The following SPTB variants were observed in gnomAD, a reference collection of about 807,000 sequenced individuals.
SPTB encodes spectrin beta chain, erythrocytic.
Under a neutral mutation model 256.2 loss-of-function variants are expected in SPTB, and 45 were observed. The ratio of observed to expected loss-of-function variants is 0.18; its 90% CI spans 0.14 to 0.23. The LOEUF is 0.23. Ranked by LOEUF, SPTB falls within the 10% of genes least tolerant of loss-of-function variation. The pLI is 1.00. For synonymous variants in SPTB, 1,231 were observed against 1,243.1 expected (o/e 0.99, Z 0.21); for missense variants, 2,715 against 3,040.4 (o/e 0.89, Z 2.52).
At position 64,852,667 on chromosome 14, in the gene SPTB, G is replaced by A. The variant is rs963476203; in HGVS notation, c.-52+27125C>T. On this transcript the variant is annotated intron_variant, in intron 1 of 35. Coordinates refer to ENST00000644917, the MANE Select transcript of SPTB (RefSeq NM_001355436.2). The surrounding 1 kb of genome is among the most constrained non-coding windows in gnomAD (Gnocchi z 4.2). ...AGTGGAAATAGCAAGTGAGAGAAAG[G>A]GAAGAGCCAAGAATGATTTCTCAAG... Among the ~76,000 whole-genome samples, 4 of 152,136 alleles carry A rather than the reference G, an allele frequency of 2.6e-5. No individual in the cohort carries two copies. The highest frequency in any genetic ancestry group is 2.6e-4 in the Admixed American group (4 of 15,276).
rs1190538174 is a variant in SPTB at position 64,873,167 on chromosome 14, CTTTA to C, written c.-52+6621_-52+6624del. Among the ~76,000 whole-genome samples the C allele has an allele frequency of 6.6e-6, 1 of 152,074 alleles. No individual in the cohort carries two copies. The highest frequency in any genetic ancestry group is 2.4e-5 in the African/African-American group (1 of 41,394). ...ACCACCCTTCTTTCCCTTCATATTG[CTTTA>C]TTTTTCTTTTTAGCACTTGAAATTA... On this transcript the variant is annotated intron_variant, in intron 1 of 35. Coordinates refer to ENST00000644917, the MANE Select transcript of SPTB (RefSeq NM_001355436.2). The surrounding 1 kb of genome is among the most constrained non-coding windows in gnomAD (Gnocchi z 4.3).
Position 64,749,665 on chromosome 14 carries a change from C to T in SPTB, c.6808G>A (p.Gly2270Ser). 2 of 1,613,834 alleles carry T rather than the reference C, an allele frequency of 1.2e-6. No homozygotes were observed. The highest frequency in any genetic ancestry group is 1.7e-6 in the Non-Finnish European group (2 of 1,179,958). ...LSNGSEWLFH[G>S]KDEEEMLSWL... ...CTGCCCGCGCTTACCTCATCCTTGC[C>T]ATGGAAGAGCCACTCGCTGCCATTA... The change falls in exon 35 of 36, where the codon GGC becomes AGC. Residue 2270 changes from glycine to serine, a missense_variant. Coordinates refer to ENST00000644917, the MANE Select transcript of SPTB (RefSeq NM_001355436.2). The surrounding 1 kb of genome is among the most constrained non-coding windows in gnomAD (Gnocchi z 4.7).
intron 32 of SPTB, chr14:64,763,816 G>T (rs1181892677): frequency 1.9e-6 from 1 of 519,038 alleles, no homozygotes; most frequent in East Asian, 5.5e-5. Context: ...GGCAAGAGGT[G>T]AGGGAAGGCG....
In SPTB at chr14:64,793,956, C is replaced by T. The variant is rs923785196; in HGVS notation, c.1796-89G>A. The T allele has an allele frequency of 7.1e-6, 10 of 1,407,470 alleles. No homozygotes were observed. Among genetic ancestry groups the T allele is most frequent in the African/African-American group, 1.4e-5 (1 of 70,256 alleles). The allele number at this position is 1,407,470 out of a possible 1,614,324, so 87.2% of individuals were successfully genotyped here. On this transcript the variant is annotated intron_variant, in intron 13 of 35. Coordinates refer to ENST00000644917, the MANE Select transcript of SPTB (RefSeq NM_001355436.2). The surrounding 1 kb of genome is among the most constrained non-coding windows in gnomAD (Gnocchi z 7.0). Reference sequence around the variant, plus strand: ...GATAAGCTGCTAGGTTGGAACTACACAACCCTGAAGCTGCCATGTCACTGG... The same window carrying T: ...GATAAGCTGCTAGGTTGGAACTACATAACCCTGAAGCTGCCATGTCACTGG...
chr14:64,768,712 C>T (rs1023167582), intron 29 of SPTB, among the ~76,000 whole-genome samples: 5 of 152,058 alleles, frequency 3.3e-5, no homozygotes, highest in Admixed American at 6.5e-5. Flanking sequence ...CAGCCCCTCC[C>T]CCGGGCCCCC....
At chr14:64,878,829 G>A (rs1375615659) in intron 1 of SPTB, among the ~76,000 whole-genome samples, 1 of 145,648 alleles carries the variant, frequency 6.9e-6, no homozygotes, top group Admixed American at 7.0e-5. Context: ...ACAAAAAACA[G>A]TGGCTTCTTT....
At position 64,785,942 on chromosome 14, in the gene SPTB, G is replaced by A. The variant is rs752671489; in HGVS notation, c.3571C>T (p.Leu1191=). The A allele has an allele frequency of 6.2e-7, 1 of 1,614,098 alleles. No individual in the cohort carries two copies. Among genetic ancestry groups the A allele is most frequent in the South Asian group, 1.1e-5 (1 of 91,068 alleles). The change falls in exon 17 of 36, where the codon CTG becomes TTG. Residue 1191 remains leucine (L), a synonymous_variant. Coordinates refer to ENST00000644917, the MANE Select transcript of SPTB (RefSeq NM_001355436.2). The surrounding 1 kb of genome is among the most constrained non-coding windows in gnomAD (Gnocchi z 4.4). ...EAILSNQEYT[L]AHLEPPDSLE... is the part of the protein sequence containing the mutation. ...GAGTCTGGGGGCTCCAAGTGAGCCA[G>A]AGTGTATTCCTGTTGGAACAAGTTT...
In SPTB at chr14:64,806,028, C is replaced by T. The variant is rs117611143; in HGVS notation, c.149-938G>A. ...GTTCAGGTGGGGTACTTCTTACTGCCTCTGTACAAATAATGCTGGTGGTCT... is the reference window on the plus strand; with the variant it reads ...GTTCAGGTGGGGTACTTCTTACTGCTTCTGTACAAATAATGCTGGTGGTCT... On this transcript the variant is annotated intron_variant, in intron 2 of 35. Transcript: ENST00000644917. The surrounding 1 kb of genome is among the most constrained non-coding windows in gnomAD (Gnocchi z 4.1). Among the ~76,000 whole-genome samples the T allele has an allele frequency of 3.3e-5, 5 of 152,086 alleles. No individual in the cohort carries two copies. The East Asian group carries it at 9.7e-4, about 29-fold the overall frequency.
At chr14:64,818,287 C>T (rs1325914515) in intron 2 of SPTB, among the ~76,000 whole-genome samples, 1 of 152,216 alleles carries the variant, frequency 6.6e-6, no homozygotes, top group Non-Finnish European at 1.5e-5. Flanking sequence ...CAGGAGGCTC[C>T]GGACTGCTCC....
intron 2 of SPTB, among the ~76,000 whole-genome samples, chr14:64,812,555 TCC>T (rs1753221519): frequency 1.1e-4 from 16 of 151,856 alleles, no homozygotes; most frequent in Admixed American, 9.2e-4. Flanking sequence ...CATAAATGCC[TCC>T]CCACAGGGTC....
Position 64,866,232 on chromosome 14 carries a change from T to C in SPTB, c.-52+13560A>G, listed in dbSNP as rs1458142117. Among the ~76,000 whole-genome samples the C allele has an allele frequency of 6.6e-6, 1 of 152,300 alleles. No individual in the cohort carries two copies. Among genetic ancestry groups the C allele is most frequent in the Non-Finnish European group, 1.5e-5 (1 of 68,014 alleles). On this transcript the variant is annotated intron_variant, in intron 1 of 35. Coordinates refer to ENST00000644917, the MANE Select transcript of SPTB (RefSeq NM_001355436.2). The surrounding 1 kb of genome is among the most constrained non-coding windows in gnomAD (Gnocchi z 4.6). ...AGCATTCATGACATTCCAGAGCTTC[T>C]AGAAGCTGCTAGTTGTTTATCCTAC...
rs1375289722 is a variant in SPTB at position 64,768,949 on chromosome 14, A to G, written c.6022+85T>C. 7.1e-6 allele frequency: 8 copies of G among 1,121,834 alleles called. No homozygotes were observed. In the East Asian group the frequency reaches 1.6e-4, roughly 23 times the overall value. The allele number at this position is 1,121,834 out of a possible 1,614,324, so 69.5% of individuals were successfully genotyped here. On this transcript the variant is annotated intron_variant, in intron 29 of 35. Transcript: ENST00000644917. ...GGCTCCTCTCTAGGCAGTAGTGAAA[A>G]TCCACCCATTGTGGCACCTCCCCAT...
chr14:64,822,599 A>G (rs1388948374), intron 2 of SPTB, among the ~76,000 whole-genome samples: 1 of 152,008 alleles, frequency 6.6e-6, no homozygotes, highest in Non-Finnish European at 1.5e-5. Context: ...ATCGGGGTTA[A>G]CCAGGAGGCC....
rs1194931334 is a variant in SPTB at position 64,841,213 on chromosome 14, G to T, written c.-51-18068C>A. Among the ~76,000 whole-genome samples the T allele has an allele frequency of 2.6e-5, 4 of 152,098 alleles. No homozygotes were observed. Among genetic ancestry groups the T allele is most frequent in the African/African-American group, 4.8e-5 (2 of 41,392 alleles). ...GGGTCAGGAAACTGAGGCTTAGAGG[G>T]TTCAGTGACTTGCCCCAGTACATCA... On this transcript the variant is annotated intron_variant, in intron 1 of 35. Coordinates refer to ENST00000644917, the MANE Select transcript of SPTB (RefSeq NM_001355436.2). The surrounding 1 kb of genome is among the most constrained non-coding windows in gnomAD (Gnocchi z 4.6).
intron 19 of SPTB, among the ~76,000 whole-genome samples, chr14:64,783,350 T>C (rs1251988075): frequency 6.6e-6 from 1 of 152,116 alleles, no homozygotes. Flanking sequence ...TACAGGCGTA[T>C]GCCACCATGC....
At position 64,772,839 on chromosome 14, in the gene SPTB, G is replaced by T; in HGVS notation, c.5294C>A (p.Ala1765Glu). Reference sequence around the variant, plus strand: ...GTCCTTCCACTCGGCGATGGTGGCCGCCTCGCTGTGGCCCGCGTCGATGAG... The same window carrying T: ...GTCCTTCCACTCGGCGATGGTGGCCTCCTCGCTGTGGCCCGCGTCGATGAG... ...ERLIDAGHSEAATIAEWKDGL... is the reference protein window; with the variant it reads ...ERLIDAGHSEEATIAEWKDGL... Residue 1765 changes from alanine (A) to glutamate (E), a missense_variant, in exon 26 of 36, where the codon GCG becomes GAG. Ala to Glu is a moderately radical substitution (Grantham distance 107). This residue lies in a region of SPTB where 2,239 missense variants were observed against 2,384.4 expected (regional missense o/e 0.94). Coordinates refer to ENST00000644917, the MANE Select transcript of SPTB (RefSeq NM_001355436.2). The surrounding 1 kb of genome is among the most constrained non-coding windows in gnomAD (Gnocchi z 5.4). The T allele has an allele frequency of 1.2e-6, 2 of 1,613,572 alleles. No individual in the cohort carries two copies. The highest frequency in any genetic ancestry group is 1.7e-6 in the Non-Finnish European group (2 of 1,179,856).
In SPTB at chr14:64,803,766, C is replaced by T. The variant is rs1178093783; in HGVS notation, c.315G>A (p.Lys105=). Residue 105 remains lysine, a synonymous_variant, in exon 4 of 36, where the codon AAG becomes AAA. Coordinates refer to ENST00000644917, the MANE Select transcript of SPTB (RefSeq NM_001355436.2). Reference sequence around the variant, plus strand: ...CCAGGCAGTGGATGCGCATCTTCCCCTTGGTGGGCTTTGGCTGGGGGACAG... The same window carrying T: ...CCAGGCAGTGGATGCGCATCTTCCCTTTGGTGGGCTTTGGCTGGGGGACAG... ...LSGEMLPKPT[K]GKMRIHCLEN... 1 of 1,611,746 alleles carries T rather than the reference C, an allele frequency of 6.2e-7. No homozygotes were observed. The highest frequency in any genetic ancestry group is 1.1e-5 in the South Asian group (1 of 90,778).
chr14:64,793,232 C>T lies in SPTB; in HGVS notation c.2431G>A (p.Glu811Lys), dbSNP rs140584449. 1.5e-4 allele frequency: 236 copies of T among 1,610,148 alleles called. No individual in the cohort carries two copies. The African/African-American group carries it at 1.7e-3, about 11-fold the overall frequency. ...ACATCTGGGGAATCCCGAAACTCTT[C>T]GGGGAATCCCTGGGCCTGCTGCTCC... ...HLEQQAQGFP[E>K]EFRDSPDVTH... The change falls in exon 14 of 36, where the codon GAA becomes AAA. Residue 811 changes from glutamate (E) to lysine (K), a missense_variant. This residue lies in a region of SPTB where 2,239 missense variants were observed against 2,384.4 expected (regional missense o/e 0.94). Coordinates refer to ENST00000644917, the MANE Select transcript of SPTB (RefSeq NM_001355436.2). This position sits in a 1 kb window ranked among gnomAD's most constrained non-coding sequence, Gnocchi z 7.0.
In SPTB at chr14:64,822,372, T is replaced by TCACACACACACACACA. The variant is rs1355459775; in HGVS notation, c.148+574_148+575insTGTGTGTGTGTGTGTG. ...CACCTTCTCTCTCTCTCTCTCTCTC[T>TCACACACACACACACA]CTCACACACACACACACACACACAC... On this transcript the variant is annotated intron_variant, in intron 2 of 35. Transcript: ENST00000644917. Among the ~76,000 whole-genome samples, 24 of 2,422 alleles carry TCACACACACACACACA rather than the reference T, an allele frequency of 9.9e-3. 3 individuals carry two copies. Among genetic ancestry groups the TCACACACACACACACA allele is most frequent in the South Asian group, 0.071 (1 of 14 alleles). 1.6% of individuals were successfully genotyped at this position (2,422 alleles called of 152,430 possible).
Sources: allele counts gnomAD v4.1 joint callset (sites outside exome capture counted in the v4.1 genomes callset), GRCh38; gene constraint gnomAD v4.1.1; regional missense constraint gnomAD v4.1.1; non-coding constraint Gnocchi (gnomAD v3.1); transcripts MANE v1.5; gene names NCBI Gene and HGNC (gene_info 2026-07-23, HGNC 2026-07-21).